Variants in TMEM117 observed in about 807,000 individuals in gnomAD.
TMEM117 encodes the protein transmembrane protein 117.
In TMEM117, 27 loss-of-function variants were observed where a neutral mutation model predicts 52.4. The ratio of observed to expected loss-of-function variants is 0.51; its 90% confidence interval spans 0.38 to 0.71. The LOEUF is 0.71. Among genes scored for constraint, TMEM117 ranks in the 30% least tolerant of loss-of-function variants. The pLI is 0.00. For synonymous variants in TMEM117, 215 were observed against 206.3 expected, an observed-to-expected ratio of 1.04 and a Z score of -0.36; for missense variants, 556 against 630.5, an observed-to-expected ratio of 0.88 and a Z score of 1.26.
intron 3 of TMEM117, among the ~76,000 whole-genome samples, chr12:43,948,422 C>A (rs953948835): frequency 6.6e-6 from 1 of 152,010 alleles, no homozygotes; most frequent in African/African-American, 2.4e-5. Context: ...TCTCCTGCCT[C>A]AGCCTCCTAA....
intron 3 of TMEM117, among the ~76,000 whole-genome samples, chr12:44,024,943 CTAAGTGTAGGAAGG>C (rs1946510611): frequency 6.6e-6 from 1 of 151,822 alleles, no homozygotes; most frequent in African/African-American, 2.4e-5. Context: ...TCATCTATTC[CTAAGTGTAGGAAGG>C]TTGGAGTGCT....
chr12:44,074,155 C>T (rs1349360829), intron 3 of TMEM117, among the ~76,000 whole-genome samples: 1 of 152,082 alleles, frequency 6.6e-6, no homozygotes, highest in African/African-American at 2.4e-5. Context: ...AACCAACTTA[C>T]CTGGAATGGA....
chr12:44,154,447 G>T (rs1948798079), intron 4 of TMEM117, among the ~76,000 whole-genome samples: 1 of 151,972 alleles, frequency 6.6e-6, no homozygotes, highest in Admixed American at 6.6e-5. Context: ...AAAACCTAGA[G>T]AGAAGCCATC....
chr12:43,938,397 T>C (rs757956802), intron 2 of TMEM117, among the ~76,000 whole-genome samples: 4 of 151,996 alleles, frequency 2.6e-5, no homozygotes, highest in South Asian at 2.1e-4. Flanking sequence ...TAATTTTCTC[T>C]AGAAGTGCTA....
intron 3 of TMEM117, among the ~76,000 whole-genome samples, chr12:44,054,617 G>A (rs1947023199): frequency 6.6e-6 from 1 of 152,094 alleles, no homozygotes; most frequent in African/African-American, 2.4e-5. Context: ...TTCTCATTTG[G>A]AGCACAACTT....
chr12:43,963,199 A>G (rs890510203), intron 3 of TMEM117, among the ~76,000 whole-genome samples: 1 of 150,748 alleles, frequency 6.6e-6, no homozygotes, highest in East Asian at 1.9e-4. Context: ...TTTTAAATAT[A>G]TTACTTAATG....
chr12:44,277,255 T>A (rs1345023682), intron 5 of TMEM117, among the ~76,000 whole-genome samples: 1 of 152,150 alleles, frequency 6.6e-6, no homozygotes, highest in African/African-American at 2.4e-5. Flanking sequence ...TCTTAGTTGA[T>A]CTTAATTATA....
chr12:44,055,537 A>G (rs545859115), intron 3 of TMEM117, among the ~76,000 whole-genome samples: 1 of 152,336 alleles, frequency 6.6e-6, no homozygotes, highest in East Asian at 1.9e-4. Context: ...CTGTGGAGCC[A>G]GAATACTTGA....
At chr12:44,341,015 T>A (rs1488015635) in intron 6 of TMEM117, among the ~76,000 whole-genome samples, 1 of 152,052 alleles carries the variant, frequency 6.6e-6, no homozygotes, top group Non-Finnish European at 1.5e-5. Context: ...GTACACATTT[T>A]TTTAGACAGG....
intron 3 of TMEM117, among the ~76,000 whole-genome samples, chr12:44,044,984 G>C (rs1447510339): frequency 6.6e-6 from 1 of 152,216 alleles, no homozygotes; most frequent in East Asian, 1.9e-4. Context: ...AGAGATATGT[G>C]GATGGAACTC....
the TMEM117 span, among the ~76,000 whole-genome samples, chr12:43,807,919 T>A: frequency 6.6e-6 from 1 of 152,222 alleles, no homozygotes; most frequent in African/African-American, 2.4e-5. Flanking sequence ...GAATAATACC[T>A]TAGATTTGTA....
chr12:43,962,091 A>G (rs994048472), intron 3 of TMEM117, among the ~76,000 whole-genome samples: 2 of 152,218 alleles, frequency 1.3e-5, no homozygotes, highest in Non-Finnish European at 2.9e-5. Flanking sequence ...CATCAGTGAC[A>G]GTACAACTGT....
At chr12:44,270,555 G>A (rs528658892) in intron 5 of TMEM117, among the ~76,000 whole-genome samples, 2 of 151,786 alleles carry the variant, frequency 1.3e-5, no homozygotes, top group East Asian at 1.9e-4. Context: ...TCATATCATC[G>A]GTAAAGAGTG....
At chr12:44,240,957 A>G (rs1031366168) in intron 5 of TMEM117, among the ~76,000 whole-genome samples, 1 of 151,966 alleles carries the variant, frequency 6.6e-6, no homozygotes, top group Admixed American at 6.6e-5. Context: ...AAATCTCCCC[A>G]CTATTGAATC....
intron 2 of TMEM117, among the ~76,000 whole-genome samples, chr12:43,916,457 T>C (rs1038389534): frequency 2.0e-5 from 3 of 152,334 alleles, no homozygotes; most frequent in African/African-American, 7.2e-5. Flanking sequence ...ATATTTATAA[T>C]GATTCTACCC....
chr12:44,267,829 C>T (rs377480638), intron 5 of TMEM117, among the ~76,000 whole-genome samples: 3 of 152,130 alleles, frequency 2.0e-5, no homozygotes, highest in Admixed American at 6.6e-5. Context: ...GAAGGAAATG[C>T]TGTGATTTTT....
At chr12:43,885,419 CTT>C (rs370241455) in intron 2 of TMEM117, among the ~76,000 whole-genome samples, 4 of 141,084 alleles carry the variant, frequency 2.8e-5, no homozygotes, top group African/African-American at 1.0e-4. Flanking sequence ...CTTTTCTTTT[CTT>C]TTTTTTTTTG....
At chr12:43,990,144 C>T (rs893992211) in intron 3 of TMEM117, among the ~76,000 whole-genome samples, 1 of 152,058 alleles carries the variant, frequency 6.6e-6, no homozygotes, top group East Asian at 1.9e-4. Flanking sequence ...AAAGATAGTT[C>T]TTGAAGTAGA....
At chr12:44,100,295 A>T (rs781233295) in intron 3 of TMEM117, among the ~76,000 whole-genome samples, 2 of 151,984 alleles carry the variant, frequency 1.3e-5, no homozygotes, top group African/African-American at 2.4e-5. Flanking sequence ...TATATATATA[A>T]AAGAATTGAG....
Sources: gnomAD v4.1 joint callset for allele counts (sites outside exome capture counted in the v4.1 genomes callset) on GRCh38, gnomAD v4.1.1 for gene constraint, MANE v1.5 for transcripts, NCBI Gene and HGNC (gene_info 2026-07-23, HGNC 2026-07-21) for gene names.